FAM53A: variants seen among roughly 807,000 people sequenced by gnomAD.
FAM53A encodes the protein protein FAM53A.
A neutral mutation model predicts 26.6 loss-of-function variants in FAM53A; 28 were observed. The ratio of observed to expected loss-of-function variants is 1.05; its 90% CI spans 0.78 to 1.45. The LOEUF (loss-of-function observed/expected upper bound fraction) is 1.45. Ranked by LOEUF, FAM53A falls within the 40% of genes most tolerant of loss-of-function variation. The probability of loss-of-function intolerance (pLI) is 0.00; values close to 1 mark genes in which losing one functional copy is unlikely to be tolerated. For synonymous variants in FAM53A, 290 were observed against 253.1 expected (o/e 1.15, Z -1.38); for missense variants, 650 against 575.8 (o/e 1.13, Z -1.32).
intron 1 of FAM53A, among the ~76,000 whole-genome samples, chr4:1,623,954 C>T (rs982474625): frequency 6.6e-6 from 1 of 152,060 alleles, no homozygotes; most frequent in Non-Finnish European, 1.5e-5. Context: ...CCAAGCCTCC[C>T]CCGGGACCCT....
downstream of FAM53A, among the ~76,000 whole-genome samples, chr4:1,616,905 A>G (rs979252500): frequency 2.6e-5 from 4 of 152,202 alleles, no homozygotes; most frequent in African/African-American, 7.2e-5. Flanking sequence ...GGGAGGCCGA[A>G]GCAGGTGGAT....
chr4:1,679,942 G>A (rs1052250216), intron 1 of FAM53A, among the ~76,000 whole-genome samples: 4 of 151,992 alleles, frequency 2.6e-5, no homozygotes, highest in Admixed American at 6.5e-5. Flanking sequence ...GCAGCTACTC[G>A]GGAGGATGAG....
chr4:1,621,819 C>T (rs1715049809), intron 1 of FAM53A, among the ~76,000 whole-genome samples: 1 of 152,236 alleles, frequency 6.6e-6, no homozygotes, highest in Non-Finnish European at 1.5e-5. Flanking sequence ...GGGGGAATAT[C>T]CCTGCGGCCA....
the FAM53A span, chr4:1,580,195 G>C: frequency 6.6e-6 from 1 of 152,140 alleles, no homozygotes; most frequent in Non-Finnish European, 1.5e-5. Context: ...AACTCCCACC[G>C]TTCCCGCTGT....
At chr4:1,588,843 T>C in the FAM53A span, among the ~76,000 whole-genome samples, 2 of 152,242 alleles carry the variant, frequency 1.3e-5, no homozygotes, top group African/African-American at 2.4e-5. Context: ...AATGATCTTG[T>C]ATCAGTCAGC....
chr4:1,602,244 C>T, the FAM53A span, among the ~76,000 whole-genome samples: 18 of 152,182 alleles, frequency 1.2e-4, no homozygotes, highest in Non-Finnish European at 1.6e-4. Context: ...GAAGCCCTGC[C>T]GGGGGAGCTG....
the FAM53A span, among the ~76,000 whole-genome samples, chr4:1,578,424 C>G: frequency 2.6e-5 from 2 of 77,886 alleles, no homozygotes; most frequent in Admixed American, 1.6e-4. Flanking sequence ...CGCTAGTGCC[C>G]GCACCCGGTG....
chr4:1,591,520 C>T, the FAM53A span, among the ~76,000 whole-genome samples: 1 of 152,164 alleles, frequency 6.6e-6, no homozygotes. Flanking sequence ...GATGGGGTGG[C>T]AGTCAGTCTT....
At chr4:1,588,600 G>T in the FAM53A span, among the ~76,000 whole-genome samples, 1 of 152,094 alleles carries the variant, frequency 6.6e-6, no homozygotes, top group South Asian at 2.1e-4. Context: ...AGGAGATGAG[G>T]TCTTCTATGA....
At chr4:1,599,392 A>C in the FAM53A span, among the ~76,000 whole-genome samples, 1 of 152,204 alleles carries the variant, frequency 6.6e-6, no homozygotes. The surrounding 1 kb of genome is among the most constrained non-coding windows in gnomAD (Gnocchi z 6.1). Flanking sequence ...AGGGCATGGC[A>C]CCTGGACCTG....
At chr4:1,671,385 A>C (rs28458319) in intron 1 of FAM53A, among the ~76,000 whole-genome samples, 390 of 31,188 alleles carry the variant, frequency 0.013, no homozygotes, top group Admixed American at 0.022. Flanking sequence ...CGTCAGAGCC[A>C]CCAGCTCACA....
intron 2 of FAM53A, among the ~76,000 whole-genome samples, chr4:1,667,433 C>T (rs1318108594): frequency 2.0e-5 from 3 of 152,184 alleles, no homozygotes; most frequent in African/African-American, 7.2e-5. Flanking sequence ...GACTGACAGC[C>T]GGAAACGTAC....
chr4:1,617,961 G>T, exon 2 of FAM53A: 1 of 439,726 alleles, frequency 2.3e-6, no homozygotes, highest in Non-Finnish European at 4.6e-6. Flanking sequence ...TCGCTGCGAT[G>T]GTGCCACCAC....
chr4:1,637,361 G>A (rs1006386989), downstream of FAM53A, among the ~76,000 whole-genome samples: 51 of 152,270 alleles, frequency 3.3e-4, no homozygotes, highest in African/African-American at 1.2e-3. Flanking sequence ...CCACCTCCCC[G>A]GGTCTTCAGA....
chr4:1,656,187 G>A (rs182875875), intron 3 of FAM53A, among the ~76,000 whole-genome samples: 30 of 152,292 alleles, frequency 2.0e-4, no homozygotes, highest in African/African-American at 6.7e-4. Context: ...CTGCTGCCAC[G>A]GTCTTCAGGG....
At chr4:1,652,659 A>C (rs1712961189) in intron 4 of FAM53A, among the ~76,000 whole-genome samples, 1 of 147,758 alleles carries the variant, frequency 6.8e-6, no homozygotes, top group South Asian at 2.2e-4. Context: ...CCAATACACC[A>C]CATATACACC....
rs1016521545 is a variant in FAM53A at position 1,659,426 on chromosome 4, G to A, written c.76-1958C>T. ...CCACATGAACAGCACCCAGCTCGAC[G>A]CTGCCACGGAAAAACGTCTAGCAAG... On this transcript the variant is annotated intron_variant, in intron 2 of 4. Transcript: ENST00000308132. The surrounding 1 kb of genome is among the most constrained non-coding windows in gnomAD (Gnocchi z 5.2). Among the ~76,000 whole-genome samples, 4 of 152,230 alleles carry A rather than the reference G, an allele frequency of 2.6e-5. No homozygotes were observed. Among genetic ancestry groups the A allele is most frequent in the Admixed American group, 6.5e-5 (1 of 15,274 alleles).
chr4:1,671,269 C>A (rs1266662496), intron 1 of FAM53A, among the ~76,000 whole-genome samples: 1 of 150,462 alleles, frequency 6.6e-6, no homozygotes, highest in African/African-American at 2.5e-5. Flanking sequence ...TCTGTCCCAG[C>A]GTCAGAGCCA....
the FAM53A span, among the ~76,000 whole-genome samples, chr4:1,598,113 G>A: frequency 6.6e-6 from 1 of 152,220 alleles, no homozygotes; most frequent in Non-Finnish European, 1.5e-5. Context: ...GAAGGCCACT[G>A]CTGCTGCCTA....
Sources: gnomAD v4.1 joint callset for allele counts (sites outside exome capture counted in the v4.1 genomes callset) on GRCh38, gnomAD v4.1.1 for gene constraint, Gnocchi (gnomAD v3.1) non-coding constraint, MANE v1.5 for transcripts, NCBI Gene and HGNC (gene_info 2026-07-23, HGNC 2026-07-21) for gene names.